Variants in ATF6 observed in about 807,000 individuals in gnomAD.
ATF6 encodes cyclic AMP-dependent transcription factor ATF-6 alpha.
In ATF6, 53 loss-of-function variants were observed where a neutral mutation model predicts 83.6. That is an observed-to-expected ratio of 0.63 (90% CI 0.51 to 0.80). The LOEUF (loss-of-function observed/expected upper bound fraction) is 0.80, where lower values mean the gene tolerates loss of function less well. Ranked by LOEUF, ATF6 falls within the 30% of genes least tolerant of loss-of-function variation. The pLI is 0.00. For synonymous variants in ATF6, 288 were observed against 285.8 expected (o/e 1.01, Z -0.08); for missense variants, 744 against 797.9 (o/e 0.93, Z 0.81).
intron 9 of ATF6, among the ~76,000 whole-genome samples, chr1:161,838,291 C>T (rs966330152): frequency 1.3e-5 from 2 of 152,212 alleles, no homozygotes; most frequent in Non-Finnish European, 2.9e-5. Flanking sequence ...ATATTAAACA[C>T]TGACTCAGTG....
intron 1 of ATF6, among the ~76,000 whole-genome samples, chr1:161,772,172 A>G (rs1012546991): frequency 6.6e-6 from 1 of 152,138 alleles, no homozygotes; most frequent in Non-Finnish European, 1.5e-5. Context: ...TTTAAATACC[A>G]TGGACAGTCA....
chr1:161,773,477 G>A (rs1176075077), intron 1 of ATF6, among the ~76,000 whole-genome samples: 1 of 151,932 alleles, frequency 6.6e-6, no homozygotes, highest in Non-Finnish European at 1.5e-5. Flanking sequence ...TGCTGGCCAG[G>A]CTGGTCTCAA....
chr1:161,836,893 C>A (rs926647596), intron 9 of ATF6, among the ~76,000 whole-genome samples: 1 of 152,160 alleles, frequency 6.6e-6, no homozygotes, highest in Non-Finnish European at 1.5e-5. Flanking sequence ...ATCTCTTCTG[C>A]TTTCTACCTA....
In ATF6 at chr1:161,944,646, G is replaced by A. The variant is rs1018203123; in HGVS notation, c.1805-13800G>A. Among the ~76,000 whole-genome samples, 34 of 152,232 alleles carry A rather than the reference G, an allele frequency of 2.2e-4. 1 individual carries two copies. The highest frequency in any genetic ancestry group is 1.5e-5 in the Non-Finnish European group (1 of 68,032). On this transcript the variant is annotated intron_variant, in intron 15 of 15. Transcript: ENST00000367942. ...GTTGTATTGCAGGATCAGCAAGCAT[G>A]TCAAGGATCTCATGTGTCTTCTAAT...
At chr1:161,823,183 T>G (rs1444925066) in intron 9 of ATF6, among the ~76,000 whole-genome samples, 1 of 151,970 alleles carries the variant, frequency 6.6e-6, no homozygotes, top group Admixed American at 6.5e-5. Flanking sequence ...ATAAAAAATT[T>G]TTAATTCATT....
intron 15 of ATF6, among the ~76,000 whole-genome samples, chr1:161,948,381 A>G (rs568316466): frequency 3.3e-5 from 5 of 152,316 alleles, no homozygotes; most frequent in African/African-American, 9.6e-5. Flanking sequence ...TTGCAAGAGT[A>G]AAGTAAATAT....
In ATF6 at chr1:161,768,449, G is replaced by A. The variant is rs80123142; in HGVS notation, c.82+2007G>A. On this transcript the variant is annotated intron_variant, in intron 1 of 15. Transcript: ENST00000367942. The stretch of plus-strand genomic sequence containing the variant: ...TAATTCCTTAGGTGTTCAGTAAGTA[G>A]GATAGATTTTGTTGGCAATAGAGTG... 4.5e-3 allele frequency among the ~76,000 whole-genome samples: 679 copies of A among 152,264 alleles called. 3 individuals are homozygous for A. The highest frequency in any genetic ancestry group is 0.02 in the Middle Eastern group (6 of 294).
chr1:161,880,552 T>C (rs1434438953), intron 14 of ATF6, among the ~76,000 whole-genome samples: 1 of 152,172 alleles, frequency 6.6e-6, no homozygotes, highest in African/African-American at 2.4e-5. Context: ...ATATATATTT[T>C]CCTTCCAGCA....
intron 14 of ATF6, among the ~76,000 whole-genome samples, chr1:161,866,701 G>A (rs564279777): frequency 6.6e-6 from 1 of 152,268 alleles, no homozygotes; most frequent in South Asian, 2.1e-4. Context: ...TAGAATAACT[G>A]ATACATTAAT....
chr1:161,839,682 G>C (rs1001968671), intron 9 of ATF6, among the ~76,000 whole-genome samples: 1 of 152,170 alleles, frequency 6.6e-6, no homozygotes, highest in Non-Finnish European at 1.5e-5. Context: ...CAGGACTGTA[G>C]TTTTAAATGG....
At chr1:161,946,069 G>T (rs1490742590) in intron 15 of ATF6, among the ~76,000 whole-genome samples, 1 of 152,158 alleles carries the variant, frequency 6.6e-6, no homozygotes, top group Non-Finnish European at 1.5e-5. Context: ...GCGGTGGCTA[G>T]ATCTCAGCTT....
chr1:161,945,751 C>T (rs904813281), intron 15 of ATF6, among the ~76,000 whole-genome samples: 1 of 152,168 alleles, frequency 6.6e-6, no homozygotes, highest in Non-Finnish European at 1.5e-5. Flanking sequence ...TACCTACCAA[C>T]TTGATTGTAA....
rs1295723201 is a variant in ATF6 at position 161,816,811 on chromosome 1, TA to T, written c.910-2815del. Among the ~76,000 whole-genome samples the T allele has an allele frequency of 2.6e-5, 4 of 152,068 alleles. No homozygotes were observed. The South Asian group carries it at 6.2e-4, about 24-fold the overall frequency. On this transcript the variant is annotated intron_variant, in intron 7 of 15. Coordinates refer to ENST00000367942, the MANE Select transcript of ATF6 (RefSeq NM_007348.4). ...AGGAAAATACCCACTTCCCCCCACTTAAAAAAATACCAAACACCACAATGTG... is the reference window on the plus strand; with the variant it reads ...AGGAAAATACCCACTTCCCCCCACTTAAAAAATACCAAACACCACAATGTG...
At chr1:161,795,399 T>C (rs553163103) in intron 6 of ATF6, among the ~76,000 whole-genome samples, 1 of 152,358 alleles carries the variant, frequency 6.6e-6, no homozygotes, top group African/African-American at 2.4e-5. Flanking sequence ...TTACACATTA[T>C]TTGAAACTTC....
At chr1:161,887,377 G>A (rs922955494) in intron 14 of ATF6, among the ~76,000 whole-genome samples, 3 of 152,092 alleles carry the variant, frequency 2.0e-5, no homozygotes, top group African/African-American at 7.2e-5. Flanking sequence ...ACTGCACTCG[G>A]CCTGAAGCAT....
chr1:161,902,898 C>T (rs1398289256), intron 14 of ATF6, among the ~76,000 whole-genome samples: 1 of 152,170 alleles, frequency 6.6e-6, no homozygotes, highest in African/African-American at 2.4e-5. Flanking sequence ...GGAAAGACCT[C>T]ACTGAGAAAT....
intron 15 of ATF6, among the ~76,000 whole-genome samples, chr1:161,940,008 G>A (rs1295914781): frequency 1.3e-5 from 2 of 152,144 alleles, no homozygotes; most frequent in Non-Finnish European, 2.9e-5. Context: ...TATTTCCTGA[G>A]TTCAGGACTC....
At chr1:161,773,246 G>C (rs1156614821) in intron 1 of ATF6, among the ~76,000 whole-genome samples, 1 of 151,272 alleles carries the variant, frequency 6.6e-6, no homozygotes, top group Non-Finnish European at 1.5e-5. Context: ...CCATTCTTCT[G>C]CCTCAGCCTT....
chr1:161,909,932 G>A (rs192648080), intron 14 of ATF6, among the ~76,000 whole-genome samples: 271 of 152,216 alleles, frequency 1.8e-3, no homozygotes, highest in South Asian at 3.7e-3. Flanking sequence ...CTCCAGCTTG[G>A]GTGACAGAGC....
Sources: gnomAD v4.1 joint callset for allele counts (sites outside exome capture counted in the v4.1 genomes callset) on GRCh38, gnomAD v4.1.1 for gene constraint, MANE v1.5 for transcripts, NCBI Gene and HGNC (gene_info 2026-07-23, HGNC 2026-07-21) for gene names.